The following TTC7A variants were observed in gnomAD, a reference collection of about 807,000 sequenced individuals.
The protein encoded by TTC7A is tetratricopeptide repeat protein 7A.
A neutral mutation model predicts 103.7 loss-of-function variants in TTC7A; 110 were observed. That is an observed-to-expected ratio of 1.06 (90% CI 0.91 to 1.24). The LOEUF is 1.24. TTC7A is among the 50% of genes most tolerant of loss of function. The pLI is 0.00. For synonymous variants in TTC7A, 521 were observed against 467.9 expected, an observed-to-expected ratio of 1.11 and a Z score of -1.47; for missense variants, 1,340 against 1,116.3, an observed-to-expected ratio of 1.20 and a Z score of -2.86.
At chr2:47,051,716 C>T in intron 17 of TTC7A, 30 bp from the exon 18 acceptor site, 1 of 1,596,954 alleles carries the variant, frequency 6.3e-7, no homozygotes, top group Non-Finnish European at 8.5e-7. Flanking sequence ...CCTCTGACCA[C>T]TGCTCGGCTC....
chr2:46,968,883 G>A (rs1170678857), intron 3 of TTC7A, among the ~76,000 whole-genome samples: 1 of 151,454 alleles, frequency 6.6e-6, no homozygotes, highest in Non-Finnish European at 1.5e-5. Flanking sequence ...AGTCCCCTTG[G>A]GCTCTTTTCT....
rs773736847 is a variant in TTC7A, at chr2:47,029,384, A to C, written c.1802A>C (p.Asn601Thr). 1 of 1,613,430 alleles carries C rather than the reference A, an allele frequency of 6.2e-7. No homozygotes were observed. The highest frequency in any genetic ancestry group is 8.5e-7 in the Non-Finnish European group (1 of 1,179,994). Residue 601 changes from asparagine (N) to threonine (T), a missense_variant and splice_region_variant, in exon 15 of 20, where the codon AAC (asparagine) becomes ACC (threonine). Asn to Thr is a moderately conservative substitution (Grantham distance 65). Coordinates refer to ENST00000319190, the MANE Select transcript of TTC7A (RefSeq NM_020458.4). ...ATCACCGAGCACCCTGAGAACTTCA[A>C]GTGAGTGCCCTGGGAACACTCTGGC... ...MAITEHPENF[N>T]LMFTKVKLEQ...
At chr2:47,017,761 A>T (rs1572920701) in intron 11 of TTC7A, among the ~76,000 whole-genome samples, 1 of 152,128 alleles carries the variant, frequency 6.6e-6, no homozygotes, top group African/African-American at 2.4e-5. Context: ...GACAAAAGGC[A>T]GGCAGTAATG....
In TTC7A at chr2:47,060,791, G is replaced by A. The variant is rs1683708490; in HGVS notation, c.2175G>A (p.Gln725=). 1 of 1,610,782 alleles carries A rather than the reference G, an allele frequency of 6.2e-7. No homozygotes were observed. The highest frequency in any genetic ancestry group is 1.3e-5 in the African/African-American group (1 of 75,006). ...CAGCTGAGCTGTTCATGGAGCAGCA[G>A]CACCTCAAGGAAGCAGGTTTCTGCA... is the stretch of plus-strand genomic sequence containing the variant. ...LQAAELFMEQ[Q]HLKEAGFCIQ... is the part of the protein sequence containing the mutation. Residue 725 remains glutamine, a synonymous_variant, in exon 19 of 20, where the codon CAG becomes CAA. Coordinates refer to ENST00000319190, the MANE Select transcript of TTC7A (RefSeq NM_020458.4).
At chr2:47,071,255 G>A (rs1479933637) in intron 19 of TTC7A, 1 of 152,194 alleles carries the variant, frequency 6.6e-6, no homozygotes, top group Non-Finnish European at 1.5e-5. Context: ...TCCTGTTACA[G>A]GCCCTGGGCC....
chr2:46,918,028 A>C (rs73926961), intron 2 of TTC7A, among the ~76,000 whole-genome samples: 1,794 of 152,314 alleles, frequency 0.012, 41 homozygotes, highest in African/African-American at 0.04. Context: ...ACCATTTATA[A>C]ATAGATGACT....
At chr2:46,994,268 T>G in intron 6 of TTC7A, 89 bp from the exon 7 acceptor site, 2 of 1,469,140 alleles carry the variant, frequency 1.4e-6, no homozygotes, top group Non-Finnish European at 1.8e-6. Context: ...GCGGGGCAGA[T>G]TTAGCTGGGA....
intron 15 of TTC7A, among the ~76,000 whole-genome samples, chr2:47,045,310 C>G (rs1012400415): frequency 1.6e-4 from 24 of 152,228 alleles, no homozygotes; most frequent in African/African-American, 5.3e-4. Context: ...AGGGCCAACA[C>G]CAGTCACAGC....
chr2:47,002,833 C>A (rs1223182697), intron 8 of TTC7A, among the ~76,000 whole-genome samples: 1 of 152,104 alleles, frequency 6.6e-6, no homozygotes, highest in South Asian at 2.1e-4. Context: ...GCCCCAAAGC[C>A]ATAGTAACCA....
chr2:47,060,394 A>T lies in TTC7A; in HGVS notation c.2153-375A>T, dbSNP rs548457553. Among the ~76,000 whole-genome samples the T allele has an allele frequency of 1.9e-3, 293 of 151,770 alleles. 2 individuals carry two copies. Among genetic ancestry groups the T allele is most frequent in the African/African-American group, 5.4e-3 (222 of 41,428 alleles). ...CTAAATAAATAAATTAATTTTTTTT[A>T]AAAAAAAGGCTGCAGTGAGCCATGG... On this transcript the variant is annotated intron_variant, in intron 18 of 19. Transcript: ENST00000319190.
At chr2:47,073,388 G>T (rs1179659990) in intron 19 of TTC7A, among the ~76,000 whole-genome samples, 1 of 152,158 alleles carries the variant, frequency 6.6e-6, no homozygotes, top group Non-Finnish European at 1.5e-5. Context: ...AGAGAGCTGG[G>T]ATTTGCCTAG....
Position 46,941,925 on chromosome 2 carries a change from A to G in TTC7A, c.184+200A>G, listed in dbSNP as rs1572672831. Reference sequence around the variant, plus strand: ...ACATGTGGTTTGGGGGCTTGGAGGGAAGAGAAACGGCTTTTGCTCTGTGTC... The same window carrying G: ...ACATGTGGTTTGGGGGCTTGGAGGGGAGAGAAACGGCTTTTGCTCTGTGTC... On this transcript the variant is annotated intron_variant, in intron 1 of 19. Coordinates refer to ENST00000319190, the MANE Select transcript of TTC7A (RefSeq NM_020458.4). This position sits in a 1 kb window ranked among gnomAD's most constrained non-coding sequence, Gnocchi z 4.2. 3.0e-6 allele frequency: 2 copies of G among 661,390 alleles called. No homozygotes were observed. Among genetic ancestry groups the G allele is most frequent in the Non-Finnish European group, 5.2e-6 (2 of 387,462 alleles). 41.0% of individuals were successfully genotyped at this position (661,390 alleles called of 1,614,324 possible). A position where few individuals can be genotyped will look rare whatever the true frequency, so the allele number is the denominator to read the frequency against.
At chr2:46,916,790 T>A (rs6733548) in intron 1 of TTC7A, among the ~76,000 whole-genome samples, 31,929 of 151,704 alleles carry the variant, frequency 0.21, 5,242 homozygotes, top group African/African-American at 0.46. Context: ...GCGTGCCACC[T>A]TGCCCGGCTA....
intron 1 of TTC7A, among the ~76,000 whole-genome samples, chr2:46,943,421 T>A (rs1670637069): frequency 6.6e-6 from 1 of 152,116 alleles, no homozygotes; most frequent in Non-Finnish European, 1.5e-5. Flanking sequence ...CTGGCCAGTA[T>A]AAGGAAGGAG....
intron 2 of TTC7A, among the ~76,000 whole-genome samples, chr2:46,934,570 G>A (rs764504736): frequency 6.6e-5 from 10 of 151,622 alleles, no homozygotes; most frequent in South Asian, 2.1e-4. Context: ...CACCCAACCC[G>A]GCCTGTGACT....
rs1463508375 is a variant in TTC7A, at chr2:47,074,804, G to C, written c.*881G>C. The C allele has an allele frequency of 6.6e-6, 1 of 152,414 alleles. No individual in the cohort carries two copies. The highest frequency in any genetic ancestry group is 2.4e-5 in the African/African-American group (1 of 41,416). 9.4% of individuals were successfully genotyped at this position (152,414 alleles called of 1,614,324 possible). A position where few individuals can be genotyped will look rare whatever the true frequency, so the allele number is the denominator to read the frequency against. On this transcript the variant is annotated 3_prime_UTR_variant, in exon 20 of 20. Coordinates refer to ENST00000319190, the MANE Select transcript of TTC7A (RefSeq NM_020458.4). ...CTTTTGGCTTCCCCTGCCTGAGAGA[G>C]ACCTGAGGAGGGGACAGAGCCCAGC... is the stretch of plus-strand genomic sequence containing the variant.
intron 7 of TTC7A, among the ~76,000 whole-genome samples, 194 bp from the exon 8 acceptor site, chr2:46,994,942 G>T (rs1320568397): frequency 2.6e-5 from 4 of 152,138 alleles, no homozygotes; most frequent in Non-Finnish European, 2.9e-5. Flanking sequence ...TTCCAGCCCA[G>T]CAGCCACCAC....
intron 18 of TTC7A, among the ~76,000 whole-genome samples, chr2:47,055,697 C>T (rs958305019): frequency 1.3e-5 from 2 of 152,106 alleles, no homozygotes; most frequent in African/African-American, 2.4e-5. Context: ...TGGGCTTTCT[C>T]CAGGTTTAGG....
chr2:46,996,455 G>C (rs1267196422), intron 8 of TTC7A, among the ~76,000 whole-genome samples: 1 of 152,248 alleles, frequency 6.6e-6, no homozygotes, highest in Non-Finnish European at 1.5e-5. Context: ...GGATGCCTGG[G>C]ACCATGCGAT....
Sources: gnomAD v4.1 joint callset for allele counts (sites outside exome capture counted in the v4.1 genomes callset) on GRCh38, gnomAD v4.1.1 for gene constraint, Gnocchi (gnomAD v3.1) non-coding constraint, MANE v1.5 for transcripts, NCBI Gene and HGNC (gene_info 2026-07-23, HGNC 2026-07-21) for gene names.